ERMP1: variants seen among roughly 807,000 people sequenced by gnomAD.
ERMP1 encodes Felix-ina.
ERMP1 carries 86 observed loss-of-function variants against 92.0 expected under a neutral mutation model. The ratio of observed to expected loss-of-function variants is 0.93; its 90% CI spans 0.79 to 1.12. The LOEUF is 1.12. Among genes scored for constraint, ERMP1 ranks in the 50% most tolerant of loss-of-function variants. ERMP1 has a pLI of 0.00. For synonymous variants in ERMP1, 530 were observed against 412.8 expected (o/e 1.28, Z -3.44); for missense variants, 1,342 against 1,116.3 (o/e 1.20, Z -2.88).
intron 13 of ERMP1, 138 bp from the exon 14 acceptor site, chr9:5,787,731 A>G (rs1022836031): frequency 5.3e-6 from 4 of 756,594 alleles, no homozygotes; most frequent in Non-Finnish European, 8.3e-6. Flanking sequence ...ATGGAGGTTT[A>G]CCAGTTTGGA....
upstream of ERMP1, among the ~76,000 whole-genome samples, chr9:5,837,198 T>C (rs751191768): frequency 6.6e-5 from 10 of 152,314 alleles, 1 homozygote; most frequent in South Asian, 1.7e-3. Flanking sequence ...TTGCCTAGGC[T>C]GGACTTGAAC....
chr9:5,838,731 A>G (rs181655323), intron 6 of ERMP1, among the ~76,000 whole-genome samples: 104 of 152,338 alleles, frequency 6.8e-4, no homozygotes, highest in Non-Finnish European at 1.3e-3. Context: ...GTCATATATT[A>G]TTAAACACAA....
At chr9:5,862,783 C>T (rs1211908220) in intron 5 of ERMP1, among the ~76,000 whole-genome samples, 1 of 152,176 alleles carries the variant, frequency 6.6e-6, no homozygotes, top group Admixed American at 6.5e-5. Context: ...GTTCTCATTC[C>T]AAAGGAGTGT....
chr9:5,853,137 T>A (rs1377921806), intron 6 of ERMP1, among the ~76,000 whole-genome samples: 1 of 152,162 alleles, frequency 6.6e-6, no homozygotes, highest in African/African-American at 2.4e-5. Flanking sequence ...TAGTAAGGTG[T>A]CTTTATGCCA....
At chr9:5,845,106 C>A (rs1328547790) in intron 6 of ERMP1, among the ~76,000 whole-genome samples, 1 of 150,766 alleles carries the variant, frequency 6.6e-6, no homozygotes, top group Admixed American at 6.6e-5. Context: ...CTTGAATCAT[C>A]GTGTTTTGTT....
intron 6 of ERMP1, among the ~76,000 whole-genome samples, chr9:5,848,929 G>A (rs1201340173): frequency 6.6e-6 from 1 of 152,192 alleles, no homozygotes; most frequent in African/African-American, 2.4e-5. Context: ...ATGGTTAGAT[G>A]GGGGTTCTGA....
At chr9:5,831,468 T>C (rs1829936574) in intron 1 of ERMP1, among the ~76,000 whole-genome samples, 1 of 151,994 alleles carries the variant, frequency 6.6e-6, no homozygotes, top group South Asian at 2.1e-4. Context: ...TAGCCAGATG[T>C]AGACTACTAT....
At chr9:5,813,808 C>A (rs1175483393) in intron 4 of ERMP1, among the ~76,000 whole-genome samples, 1 of 150,106 alleles carries the variant, frequency 6.7e-6, no homozygotes, top group Non-Finnish European at 1.5e-5. Context: ...ACAGCTTTTT[C>A]AAATGGGAGT....
intron 6 of ERMP1, among the ~76,000 whole-genome samples, chr9:5,850,078 C>G (rs1277335617): frequency 6.6e-6 from 1 of 152,118 alleles, no homozygotes; most frequent in African/African-American, 2.4e-5. Flanking sequence ...GGTCACACAG[C>G]CTGCTGTTAT....
chr9:5,830,605 T>A, intron 2 of ERMP1, 122 bp downstream of exon 2: 1 of 669,074 alleles, frequency 1.5e-6, no homozygotes, highest in Non-Finnish European at 2.5e-6. Context: ...CTGCTTTCCA[T>A]CACAAAGAAA....
chr9:5,786,197 C>T lies in ERMP1; in HGVS notation c.*947G>A, dbSNP rs1001427245. On this transcript the variant is annotated 3_prime_UTR_variant, in exon 15 of 15. Coordinates refer to ENST00000339450, the MANE Select transcript of ERMP1 (RefSeq NM_024896.3). ...TAAGATTATACCATGAAGGACTAACCTTGTATAACACAAGACTCCTATGAA... is the reference window on the plus strand; with the variant it reads ...TAAGATTATACCATGAAGGACTAACTTTGTATAACACAAGACTCCTATGAA... 1.3e-5 allele frequency: 2 copies of T among 152,138 alleles called. No homozygotes were observed. The highest frequency in any genetic ancestry group is 1.5e-5 in the Non-Finnish European group (1 of 68,020). The allele number at this position is 152,138 out of a possible 1,614,324, so 9.4% of individuals were successfully genotyped here.
At chr9:5,792,850 T>A (rs939441609) in intron 13 of ERMP1, among the ~76,000 whole-genome samples, 3 of 152,048 alleles carry the variant, frequency 2.0e-5, no homozygotes, top group African/African-American at 7.2e-5. Flanking sequence ...TATAAAAGAA[T>A]AGAACAATAT....
Position 5,812,148 on chromosome 9 carries a change from A to G in ERMP1, c.1091T>C (p.Leu364Pro). 1 of 1,609,222 alleles carries G rather than the reference A, an allele frequency of 6.2e-7. No individual in the cohort carries two copies. The highest frequency in any genetic ancestry group is 1.7e-4 in the Middle Eastern group (1 of 6,048). The part of the protein sequence containing the change: ...HTKYDTADRI[L>P]TDSIQRAGDN... ...ACCTGCTCTCTGAATGGAATCTGTT[A>G]GAATTCTGTCCGCTGTGTCATACTT... Residue 364 changes from leucine to proline, a missense_variant, in exon 6 of 15, where the codon CTA becomes CCA. Coordinates refer to ENST00000339450, the MANE Select transcript of ERMP1 (RefSeq NM_024896.3).
chr9:5,845,127 T>C (rs556294444), intron 6 of ERMP1, among the ~76,000 whole-genome samples: 48 of 117,692 alleles, frequency 4.1e-4, no homozygotes, highest in African/African-American at 1.3e-3. Flanking sequence ...TTTGTTTCCA[T>C]TGGGAAACTT....
chr9:5,786,481 G>C lies in ERMP1; in HGVS notation c.*663C>G, dbSNP rs1171394971. On this transcript the variant is annotated 3_prime_UTR_variant, in exon 15 of 15. Transcript: ENST00000339450. ...AAACAGGCATAGAAAACCACCTCAG[G>C]AAAGCAGCACAGCAGTGCATCTGTG... is the stretch of plus-strand genomic sequence containing the variant. The C allele has an allele frequency of 6.6e-6, 1 of 152,420 alleles. No individual in the cohort carries two copies. Among genetic ancestry groups the C allele is most frequent in the African/African-American group, 2.4e-5 (1 of 41,454 alleles). The allele number at this position is 152,420 out of a possible 1,614,324, so 9.4% of individuals were successfully genotyped here.
intron 2 of ERMP1, among the ~76,000 whole-genome samples, chr9:5,825,757 A>C (rs1407798086): frequency 6.6e-6 from 1 of 152,234 alleles, no homozygotes; most frequent in Non-Finnish European, 1.5e-5. Flanking sequence ...AAAACTAAAA[A>C]GAAGATACCT....
At chr9:5,817,347 G>T (rs1397099357) in intron 4 of ERMP1, among the ~76,000 whole-genome samples, 1 of 152,040 alleles carries the variant, frequency 6.6e-6, no homozygotes, top group African/African-American at 2.4e-5. Context: ...CCGCCACCAT[G>T]CCTGGCTAAT....
rs895330456 is a variant in ERMP1 at position 5,786,398 on chromosome 9, A to G, written c.*746T>C. On this transcript the variant is annotated 3_prime_UTR_variant, in exon 15 of 15. Coordinates refer to ENST00000339450, the MANE Select transcript of ERMP1 (RefSeq NM_024896.3). The stretch of plus-strand genomic sequence containing the variant: ...CGAAAACCAGAGGGGTATGTGGCCA[A>G]ATATTCCCCTTTTCAACTTGGTAAG... The G allele has an allele frequency of 6.6e-6, 1 of 152,254 alleles. No homozygotes were observed. The highest frequency in any genetic ancestry group is 1.5e-5 in the Non-Finnish European group (1 of 68,062). The allele number at this position is 152,254 out of a possible 1,614,324, so 9.4% of individuals were successfully genotyped here.
At chr9:5,840,016 C>T (rs1011141606) in intron 6 of ERMP1, among the ~76,000 whole-genome samples, 5 of 152,072 alleles carry the variant, frequency 3.3e-5, no homozygotes, top group Admixed American at 3.3e-4. Context: ...CTGAGGTGGG[C>T]GAATCACTTG....
Sources: allele counts gnomAD v4.1 joint callset (sites outside exome capture counted in the v4.1 genomes callset), GRCh38; gene constraint gnomAD v4.1.1; transcripts MANE v1.5; gene names NCBI Gene and HGNC (gene_info 2026-07-23, HGNC 2026-07-21).